The following TBPL2 variants were observed in gnomAD, a reference collection of about 807,000 sequenced individuals.
TBPL2 encodes TATA box-binding protein-like 2.
In TBPL2, 40 loss-of-function variants were observed where a neutral mutation model predicts 38.2. That is an observed-to-expected ratio of 1.05 (90% CI 0.81 to 1.36). The LOEUF is 1.36. Ranked by LOEUF, TBPL2 falls within the 40% of genes most tolerant of loss-of-function variation. The pLI is 0.00. For synonymous variants in TBPL2, 169 were observed against 171.7 expected (o/e 0.98, Z 0.12); for missense variants, 461 against 456.7 (o/e 1.01, Z -0.09).
At chr14:55,436,942 T>C in exon 2 of TBPL2, 3 of 1,614,208 alleles carry the variant, frequency 1.9e-6, no homozygotes, top group East Asian at 2.2e-5. Context: ...AGTATCCGGA[T>C]TGGATGCATT....
intron 4 of TBPL2, among the ~76,000 whole-genome samples, chr14:55,430,056 C>T (rs1885900721): frequency 6.6e-6 from 1 of 152,088 alleles, no homozygotes; most frequent in Non-Finnish European, 1.5e-5. Flanking sequence ...AAGTGTCTGT[C>T]CTGCTGCACC....
chr14:55,424,071 C>T, intron 6 of TBPL2, 88 bp downstream of exon 6: 7 of 877,348 alleles, frequency 8.0e-6, no homozygotes, highest in African/African-American at 1.7e-5. Flanking sequence ...ATTACTTTAC[C>T]ATGGTGAACA....
chr14:55,416,246 G>A (rs1020552017), intron 6 of TBPL2, among the ~76,000 whole-genome samples: 8 of 152,218 alleles, frequency 5.3e-5, no homozygotes, highest in East Asian at 3.9e-4. Context: ...TGTTATGTGC[G>A]TTCACCTTAA....
intron 6 of TBPL2, among the ~76,000 whole-genome samples, chr14:55,418,584 C>T (rs916789693): frequency 2.6e-5 from 4 of 152,038 alleles, no homozygotes; most frequent in Non-Finnish European, 4.4e-5. Flanking sequence ...TGTCTCTGGC[C>T]CACTCACTAA....
exon 1 of TBPL2, chr14:55,440,583 G>A: frequency 1.3e-6 from 2 of 1,550,606 alleles, no homozygotes; most frequent in Non-Finnish European, 1.7e-6. Context: ...GCGGCCCTCG[G>A]CCCAGGTTCC....
chr14:55,437,442 C>T (rs922533847), intron 1 of TBPL2, among the ~76,000 whole-genome samples: 3 of 152,256 alleles, frequency 2.0e-5, no homozygotes, highest in African/African-American at 7.2e-5. Context: ...CATGCTACTG[C>T]ACTCCAGCCT....
At chr14:55,424,164 A>G in exon 6 of TBPL2, 1 of 1,611,636 alleles carries the variant, frequency 6.2e-7, no homozygotes, top group Non-Finnish European at 8.5e-7. Flanking sequence ...CTTACCTGTC[A>G]ACACAACTTT....
At chr14:55,428,691 C>G in intron 5 of TBPL2, 116 bp downstream of exon 5, 1 of 1,115,256 alleles carries the variant, frequency 9.0e-7, no homozygotes, top group Non-Finnish European at 1.3e-6. Flanking sequence ...ACTATTGTGT[C>G]CCCCGCCTTT....
At chr14:55,437,472 C>T (rs919104799) in intron 1 of TBPL2, among the ~76,000 whole-genome samples, 1 of 152,170 alleles carries the variant, frequency 6.6e-6, no homozygotes, top group Admixed American at 6.5e-5. Flanking sequence ...AGCGAGACTC[C>T]ATCTAAAAAA....
intron 3 of TBPL2, among the ~76,000 whole-genome samples, chr14:55,434,041 A>G (rs780275872): frequency 4.6e-5 from 7 of 152,206 alleles, no homozygotes; most frequent in Non-Finnish European, 1.0e-4. Context: ...ATAACCTCCA[A>G]TATTACACAG....
intron 4 of TBPL2, 101 bp downstream of exon 4, chr14:55,433,529 A>G (rs1885965566): frequency 5.4e-6 from 6 of 1,103,512 alleles, no homozygotes; most frequent in Non-Finnish European, 8.0e-6. Flanking sequence ...AAAGAAAGGC[A>G]TTTTGCTTCT....
intron 4 of TBPL2, among the ~76,000 whole-genome samples, chr14:55,430,713 T>G (rs771223604): frequency 7.2e-5 from 11 of 152,184 alleles, no homozygotes; most frequent in Non-Finnish European, 1.0e-4. Context: ...TGATCTGGTA[T>G]CTACTCACTA....
chr14:55,421,876 T>C (rs1186690094), intron 6 of TBPL2, among the ~76,000 whole-genome samples: 1 of 152,238 alleles, frequency 6.6e-6, no homozygotes, highest in Admixed American at 6.5e-5. Context: ...GATGCTGAGT[T>C]ATGACTTAAT....
chr14:55,438,180 A>T (rs1886046819), intron 1 of TBPL2, among the ~76,000 whole-genome samples: 1 of 152,192 alleles, frequency 6.6e-6, no homozygotes, highest in Non-Finnish European at 1.5e-5. Context: ...AGGGTCAGGA[A>T]TGCACCGTGT....
Position 55,415,685 on chromosome 14 carries a change from C to T in TBPL2, c.1052-1230G>A, listed in dbSNP as rs141645510. 8.4e-3 allele frequency among the ~76,000 whole-genome samples: 1,273 copies of T among 151,864 alleles called. 22 individuals are homozygous for T. The highest frequency in any genetic ancestry group is 0.03 in the African/African-American group (1,222 of 41,332). On this transcript the variant is annotated intron_variant, in intron 6 of 6. Coordinates refer to ENST00000247219, the Ensembl canonical transcript of TBPL2. ...TTCAAGACCAGCCTGGCCAACACGG[C>T]GAAACCCCCGTCTCTACTAAAAATA...
In TBPL2 at chr14:55,440,386, G is replaced by A. The variant is rs778485811; in HGVS notation, c.150+10C>T. ...GGGTCCTGACTCTGGGACAGTGGCG[G>A]CAGCCTCACCTGAGCGGCGCACTGG... On this transcript the variant is annotated intron_variant, in intron 1 of 6. Transcript: ENST00000247219. 1 of 1,612,942 alleles carries A rather than the reference G, an allele frequency of 6.2e-7. No individual in the cohort carries two copies. Among genetic ancestry groups the A allele is most frequent in the South Asian group, 1.1e-5 (1 of 91,080 alleles).
intron 1 of TBPL2, among the ~76,000 whole-genome samples, chr14:55,438,155 T>C (rs1886046703): frequency 6.6e-6 from 1 of 152,182 alleles, no homozygotes; most frequent in Non-Finnish European, 1.5e-5. Flanking sequence ...ATCTTATTTC[T>C]TTTCTGACCA....
At chr14:55,440,530 A>C in exon 1 of TBPL2, 1 of 1,605,494 alleles carries the variant, frequency 6.2e-7, no homozygotes, top group South Asian at 1.1e-5. Context: ...CGCTCCGGCC[A>C]GGGCGCAGAG....
chr14:55,435,980 T>TAAAAAAA, intron 2 of TBPL2, 46 bp from the exon 3 acceptor site: 1 of 862,962 alleles, frequency 1.2e-6, no homozygotes, highest in Non-Finnish European at 1.7e-6. Context: ...ATATAAAGAG[T>TAAAAAAA]AAAAAAAAAA....
Sources: allele counts gnomAD v4.1 joint callset (sites outside exome capture counted in the v4.1 genomes callset), GRCh38; gene constraint gnomAD v4.1.1; transcripts MANE v1.5; gene names NCBI Gene and HGNC (gene_info 2026-07-23, HGNC 2026-07-21).